SAPCD1: variants seen among roughly 807,000 people sequenced by gnomAD.
The protein encoded by SAPCD1 is suppressor APC domain-containing protein 1.
SAPCD1 carries 16 observed loss-of-function variants against 20.7 expected under a neutral mutation model. That is an observed-to-expected ratio of 0.77 (90% CI 0.52 to 1.17). The LOEUF (loss-of-function observed/expected upper bound fraction) is 1.17. Among genes scored for constraint, SAPCD1 ranks in the 50% most tolerant of loss-of-function variants. SAPCD1 has a pLI of 0.00. For synonymous variants in SAPCD1, 77 were observed against 84.8 expected (o/e 0.91, Z 0.50); for missense variants, 173 against 209.9 (o/e 0.82, Z 1.09).
Position 31,763,734 on chromosome 6 carries a change from G to A in SAPCD1, c.255+179G>A. ...AAGTGTTAAGTTGGTGTTCATTGTT[G>A]GGGCTGGAGGAAGCTGGTCTGCATT... On this transcript the variant is annotated intron_variant, in intron 2 of 4. Transcript: ENST00000415669. The surrounding 1 kb of genome is among the most constrained non-coding windows in gnomAD (Gnocchi z 4.9). 3.1e-6 allele frequency: 2 copies of A among 645,348 alleles called. No individual in the cohort carries two copies. 40.0% of individuals were successfully genotyped at this position (645,348 alleles called of 1,614,324 possible). A position where few individuals can be genotyped will look rare whatever the true frequency, so the allele number is the denominator to read the frequency against.
Position 31,764,387 on chromosome 6 carries a change from C to A in SAPCD1, c.441+32C>A. 1 of 1,608,556 alleles carries A rather than the reference C, an allele frequency of 6.2e-7. No individual in the cohort carries two copies. The highest frequency in any genetic ancestry group is 8.5e-7 in the Non-Finnish European group (1 of 1,174,826). ...TTCAAGAAGGAGGGCAGGAGCCCCA[C>A]CCTACAGGGCTGGGAGGAGCCCAGA... is the stretch of plus-strand genomic sequence containing the variant. On this transcript the variant is annotated intron_variant, in intron 4 of 4. Coordinates refer to ENST00000415669, the Ensembl canonical transcript of SAPCD1. The surrounding 1 kb of genome is among the most constrained non-coding windows in gnomAD (Gnocchi z 4.7).
At position 31,763,333 on chromosome 6, in the gene SAPCD1, C is replaced by G. The variant is rs1811202118; in HGVS notation, c.115-82C>G. 6.3e-7 allele frequency: 1 copy of G among 1,575,694 alleles called. No individual in the cohort carries two copies. Among genetic ancestry groups the G allele is most frequent in the Admixed American group, 1.7e-5 (1 of 58,706 alleles). On this transcript the variant is annotated intron_variant, in intron 1 of 4. Transcript: ENST00000415669. This position sits in a 1 kb window ranked among gnomAD's most constrained non-coding sequence, Gnocchi z 4.9. ...CACACTCAGTGACCACACAGTGAAC[C>G]CAACTAGGGGTGGAGAGAAAGGGCC...
Position 31,763,089 on chromosome 6 carries a change from T to G in SAPCD1, c.35T>G (p.Val12Gly). ...CAGGGCTCTGGCGGGGTGCCCTTGG[T>G]GCAGGCTCCCTACACAGTCCTGCTG... Residue 12 changes from valine (V) to glycine (G), a missense_variant, in exon 1 of 5, where the codon GTG becomes GGG. Transcript: ENST00000415669. This position sits in a 1 kb window ranked among gnomAD's most constrained non-coding sequence, Gnocchi z 4.9. 1 of 1,573,256 alleles carries G rather than the reference T, an allele frequency of 6.4e-7. No individual in the cohort carries two copies. The highest frequency in any genetic ancestry group is 8.6e-7 in the Non-Finnish European group (1 of 1,159,940).
Position 31,764,016 on chromosome 6 carries a change from A to G in SAPCD1, c.256-48A>G. The G allele has an allele frequency of 7.9e-7, 1 of 1,267,438 alleles. No homozygotes were observed. The highest frequency in any genetic ancestry group is 1.2e-5 in the South Asian group (1 of 83,874). The allele number at this position is 1,267,438 out of a possible 1,614,324, so 78.5% of individuals were successfully genotyped here. A position where few individuals can be genotyped will look rare whatever the true frequency, so the allele number is the denominator to read the frequency against. The stretch of plus-strand genomic sequence containing the variant: ...TGTGGTGACAGGAATAGAGTGGCAG[A>G]CGACCTCAGGTTTTCACCATGTTGT... On this transcript the variant is annotated intron_variant, in intron 2 of 4. Transcript: ENST00000415669. The surrounding 1 kb of genome is among the most constrained non-coding windows in gnomAD (Gnocchi z 4.7).
Position 31,764,073 on chromosome 6 carries a change from A to G in SAPCD1, c.265A>G (p.Thr89Ala), listed in dbSNP as rs748349679. The stretch of plus-strand genomic sequence containing the variant: ...CCAACTCCTCCTCTAGAATTTTCTA[A>G]CAGATTTACACTCAGAGCCTGGTCG... Residue 89 changes from threonine (T) to alanine (A), a missense_variant, in exon 3 of 5, where the codon ACA (threonine) becomes GCA (alanine). Transcript: ENST00000415669. This position sits in a 1 kb window ranked among gnomAD's most constrained non-coding sequence, Gnocchi z 4.7. 1.9e-5 allele frequency: 30 copies of G among 1,612,588 alleles called. No individual in the cohort carries two copies. The highest frequency in any genetic ancestry group is 5.0e-5 in the Admixed American group (3 of 59,994).
upstream of SAPCD1, chr6:31,762,817 A>G: frequency 3.7e-6 from 2 of 543,414 alleles, no homozygotes; most frequent in Non-Finnish European, 6.4e-6. Flanking sequence ...ACCCCAGGAT[A>G]CTTCATGAGA....
rs911424632 is a variant in SAPCD1, at chr6:31,764,208, G to A, written c.351+49G>A. 1.9e-6 allele frequency: 3 copies of A among 1,601,408 alleles called. No homozygotes were observed. Among genetic ancestry groups the A allele is most frequent in the African/African-American group, 2.7e-5 (2 of 74,686 alleles). ...GACTTTTGGGAAGTTGGACTAGAGA[G>A]GGGAGTTGTTGGGGTCAGTGCTGGC... On this transcript the variant is annotated intron_variant, in intron 3 of 4. Coordinates refer to ENST00000415669, the Ensembl canonical transcript of SAPCD1. This position sits in a 1 kb window ranked among gnomAD's most constrained non-coding sequence, Gnocchi z 4.7.
Position 31,763,798 on chromosome 6 carries a change from G to T in SAPCD1, c.255+243G>T, listed in dbSNP as rs1173393734. 1.3e-5 allele frequency: 8 copies of T among 605,120 alleles called. No homozygotes were observed. The Admixed American group carries it at 1.8e-4, about 13-fold the overall frequency. The allele number at this position is 605,120 out of a possible 1,614,324, so 37.5% of individuals were successfully genotyped here. ...TTTGGATCACTCCATGGAGATGAGGGTGTGGCCTGGATTATTCCAATGGGG... is the reference window on the plus strand; with the variant it reads ...TTTGGATCACTCCATGGAGATGAGGTTGTGGCCTGGATTATTCCAATGGGG... On this transcript the variant is annotated intron_variant, in intron 2 of 4. Transcript: ENST00000415669. The surrounding 1 kb of genome is among the most constrained non-coding windows in gnomAD (Gnocchi z 4.9).
rs777749400 is a variant in SAPCD1, at chr6:31,764,523, C to A, written c.529C>A (p.Arg177Ser). The change falls in exon 5 of 5, where the codon CGT becomes AGT. Residue 177 changes from arginine to serine, a missense_variant. Transcript: ENST00000415669. This position sits in a 1 kb window ranked among gnomAD's most constrained non-coding sequence, Gnocchi z 4.7. ...CACCAAGGGGCCAAGAGGCCCTACCCGTGTCTAAACCCTCCTCTCACTCCC... is the reference window on the plus strand; with the variant it reads ...CACCAAGGGGCCAAGAGGCCCTACCAGTGTCTAAACCCTCCTCTCACTCCC... 1.8e-5 allele frequency: 29 copies of A among 1,610,914 alleles called. No individual in the cohort carries two copies. Among genetic ancestry groups the A allele is most frequent in the Admixed American group, 6.7e-5 (4 of 59,974 alleles).
In SAPCD1 at chr6:31,763,235, T is replaced by C; in HGVS notation, c.114+67T>C. 1 of 1,224,168 alleles carries C rather than the reference T, an allele frequency of 8.2e-7. No homozygotes were observed. The highest frequency in any genetic ancestry group is 2.2e-5 in the Admixed American group (1 of 44,536). The allele number at this position is 1,224,168 out of a possible 1,614,324, so 75.8% of individuals were successfully genotyped here. A position where few individuals can be genotyped will look rare whatever the true frequency, so the allele number is the denominator to read the frequency against. On this transcript the variant is annotated intron_variant, in intron 1 of 4. Transcript: ENST00000415669. The surrounding 1 kb of genome is among the most constrained non-coding windows in gnomAD (Gnocchi z 4.9). Reference sequence around the variant, plus strand: ...AATAGATCTGCCCTTTATATTTCCATTCAACTTGAGGGCCCACAGTGTTCC... The same window carrying C: ...AATAGATCTGCCCTTTATATTTCCACTCAACTTGAGGGCCCACAGTGTTCC...
chr6:31,762,802 AT>A, upstream of SAPCD1: 1 of 544,500 alleles, frequency 1.8e-6, no homozygotes, highest in East Asian at 3.0e-5. Flanking sequence ...AGACTCCCGG[AT>A]TCTACCCCAG....
Position 31,764,594 on chromosome 6 carries a change from T to C in SAPCD1, c.*63T>C. The C allele has an allele frequency of 2.5e-6, 3 of 1,219,982 alleles. No individual in the cohort carries two copies. The highest frequency in any genetic ancestry group is 3.5e-6 in the Non-Finnish European group (3 of 857,736). 75.6% of individuals were successfully genotyped at this position (1,219,982 alleles called of 1,614,324 possible). ...AGAAGCCCCAGGCTCCTTTTTCTGTTTCTTAACTCAACAGCTAAAAAATGG... is the reference window on the plus strand; with the variant it reads ...AGAAGCCCCAGGCTCCTTTTTCTGTCTCTTAACTCAACAGCTAAAAAATGG... On this transcript the variant is annotated 3_prime_UTR_variant, in exon 5 of 5. Coordinates refer to ENST00000415669, the Ensembl canonical transcript of SAPCD1. The surrounding 1 kb of genome is among the most constrained non-coding windows in gnomAD (Gnocchi z 4.7).
chr6:31,764,457 G>A lies in SAPCD1; in HGVS notation c.463G>A (p.Gly155Arg). 1 of 1,614,198 alleles carries A rather than the reference G, an allele frequency of 6.2e-7. No homozygotes were observed. Among genetic ancestry groups the A allele is most frequent in the Non-Finnish European group, 8.5e-7 (1 of 1,180,028 alleles). The change falls in exon 5 of 5, where the codon GGA becomes AGA. Residue 155 changes from glycine to arginine, a missense_variant. By Grantham distance (125) the Gly-to-Arg change is moderately radical. Transcript: ENST00000415669. The surrounding 1 kb of genome is among the most constrained non-coding windows in gnomAD (Gnocchi z 4.7). Reference sequence around the variant, plus strand: ...CCAGGAGTTGTCAAGGCAGCAGAAAGGAGTCACCCAGCCAAAGGAGGAGAT... The same window carrying A: ...CCAGGAGTTGTCAAGGCAGCAGAAAAGAGTCACCCAGCCAAAGGAGGAGAT...
At position 31,764,499 on chromosome 6, in the gene SAPCD1, A is replaced by G. The variant is rs1388331261; in HGVS notation, c.505A>G (p.Thr169Ala). 22 of 1,613,952 alleles carry G rather than the reference A, an allele frequency of 1.4e-5. No individual in the cohort carries two copies. Among genetic ancestry groups the G allele is most frequent in the Non-Finnish European group, 1.9e-5 (22 of 1,179,994 alleles). ...GGAGGAGATGGCTCAGCGGGGCTGC[A>G]CCAAGGGGCCAAGAGGCCCTACCCG... Residue 169 changes from threonine (T) to alanine (A), a missense_variant, in exon 5 of 5, where the codon ACC (threonine) becomes GCC (alanine). Transcript: ENST00000415669. This position sits in a 1 kb window ranked among gnomAD's most constrained non-coding sequence, Gnocchi z 4.7.
In SAPCD1 at chr6:31,764,216, GT is replaced by G; in HGVS notation, c.352-48del. 1 of 1,602,020 alleles carries G rather than the reference GT, an allele frequency of 6.2e-7. No homozygotes were observed. Among genetic ancestry groups the G allele is most frequent in the Non-Finnish European group, 8.6e-7 (1 of 1,168,882 alleles). On this transcript the variant is annotated intron_variant, in intron 3 of 4. Transcript: ENST00000415669. The surrounding 1 kb of genome is among the most constrained non-coding windows in gnomAD (Gnocchi z 4.7). ...GGAAGTTGGACTAGAGAGGGGAGTT[GT>G]TGGGGTCAGTGCTGGCTTAACAGAA...
At position 31,763,259 on chromosome 6, in the gene SAPCD1, C is replaced by G; in HGVS notation, c.114+91C>G. 2 of 1,218,122 alleles carry G rather than the reference C, an allele frequency of 1.6e-6. No individual in the cohort carries two copies. The highest frequency in any genetic ancestry group is 2.7e-5 in the South Asian group (2 of 75,138). The allele number at this position is 1,218,122 out of a possible 1,614,324, so 75.5% of individuals were successfully genotyped here. A position where few individuals can be genotyped will look rare whatever the true frequency, so the allele number is the denominator to read the frequency against. On this transcript the variant is annotated intron_variant, in intron 1 of 4. Transcript: ENST00000415669. This position sits in a 1 kb window ranked among gnomAD's most constrained non-coding sequence, Gnocchi z 4.9. ...ATTCAACTTGAGGGCCCACAGTGTT[C>G]CCGCCTGCCTCCCCTTGCCCTCCAG...
Position 31,763,334 on chromosome 6 carries a change from C to A in SAPCD1, c.115-81C>A. ...ACACTCAGTGACCACACAGTGAACC[C>A]AACTAGGGGTGGAGAGAAAGGGCCA... is the stretch of plus-strand genomic sequence containing the variant. On this transcript the variant is annotated intron_variant, in intron 1 of 4. Coordinates refer to ENST00000415669, the Ensembl canonical transcript of SAPCD1. The surrounding 1 kb of genome is among the most constrained non-coding windows in gnomAD (Gnocchi z 4.9). 1.3e-6 allele frequency: 2 copies of A among 1,577,192 alleles called. No homozygotes were observed. Among genetic ancestry groups the A allele is most frequent in the Admixed American group, 1.7e-5 (1 of 58,864 alleles).
In SAPCD1 at chr6:31,763,550, G is replaced by A. The variant is rs1423759076; in HGVS notation, c.250G>A (p.Gly84Ser). The A allele has an allele frequency of 1.1e-5, 17 of 1,609,944 alleles. No homozygotes were observed. Among genetic ancestry groups the A allele is most frequent in the Non-Finnish European group, 1.4e-5 (17 of 1,178,432 alleles). The change falls in exon 2 of 5, where the codon GGT becomes AGT. Residue 84 changes from glycine to serine, a missense_variant. Transcript: ENST00000415669. The surrounding 1 kb of genome is among the most constrained non-coding windows in gnomAD (Gnocchi z 4.9). Reference sequence around the variant, plus strand: ...ACAGCAGCTGCATCTAGGGGCCCTTGGTGAGGTATGGGGGCTGCCCCTCTG... The same window carrying A: ...ACAGCAGCTGCATCTAGGGGCCCTTAGTGAGGTATGGGGGCTGCCCCTCTG...
At position 31,763,468 on chromosome 6, in the gene SAPCD1, G is replaced by A. The variant is rs142473604; in HGVS notation, c.168G>A (p.Leu56=). Reference sequence around the variant, plus strand: ...AACAGGATGCCCTGTGGCAGGGTCTGGAGCTGCTACAGCATGGCCAGGCCT... The same window carrying A: ...AACAGGATGCCCTGTGGCAGGGTCTAGAGCTGCTACAGCATGGCCAGGCCT... Residue 56 remains leucine, a synonymous_variant, in exon 2 of 5, where the codon CTG becomes CTA. Coordinates refer to ENST00000415669, the Ensembl canonical transcript of SAPCD1. The surrounding 1 kb of genome is among the most constrained non-coding windows in gnomAD (Gnocchi z 4.9). The A allele has an allele frequency of 1.1e-5, 17 of 1,612,940 alleles. No individual in the cohort carries two copies. Among genetic ancestry groups the A allele is most frequent in the Non-Finnish European group, 1.4e-5 (16 of 1,180,026 alleles).
Sources: gnomAD v4.1 joint callset for allele counts on GRCh38, gnomAD v4.1.1 for gene constraint, Gnocchi (gnomAD v3.1) non-coding constraint, MANE v1.5 for transcripts, NCBI Gene and HGNC (gene_info 2026-07-23, HGNC 2026-07-21) for gene names.